Variants in CHEK2 observed in about 807,000 individuals in gnomAD.
CHEK2 encodes the protein serine/threonine-protein kinase Chk2.
In CHEK2, 71 loss-of-function variants were observed where a neutral mutation model predicts 69.1. The observed-to-expected ratio is 1.03, with a 90% CI of 0.85 to 1.25. CHEK2 has a LOEUF of 1.25. CHEK2 is among the 50% of genes most tolerant of loss of function. The probability of loss-of-function intolerance (pLI) is 0.00; values close to 1 mark genes in which losing one functional copy is unlikely to be tolerated. For synonymous variants in CHEK2, 189 were observed against 226.9 expected (o/e 0.83, Z 1.50); for missense variants, 664 against 649.6 (o/e 1.02, Z -0.24).
intron 8 of CHEK2, among the ~76,000 whole-genome samples, chr22:28,700,217 T>A (rs2052785887): frequency 6.6e-6 from 1 of 150,382 alleles, no homozygotes; most frequent in African/African-American, 2.4e-5. Context: ...GTTGCTTTTT[T>A]TTTTTTTTTT....
intron 2 of CHEK2, among the ~76,000 whole-genome samples, chr22:28,731,590 C>T (rs1569166677): frequency 6.6e-6 from 1 of 152,024 alleles, no homozygotes; most frequent in Non-Finnish European, 1.5e-5. Flanking sequence ...AGTGAGACTC[C>T]GTCTCAAATA....
chr22:28,717,655 A>C (rs1465012409), intron 5 of CHEK2, among the ~76,000 whole-genome samples: 5 of 152,034 alleles, frequency 3.3e-5, no homozygotes, highest in African/African-American at 1.2e-4. Context: ...CAGGCAGATC[A>C]CCTGAGGTCA....
chr22:28,716,649 G>T (rs2068318295), intron 5 of CHEK2, among the ~76,000 whole-genome samples: 1 of 152,226 alleles, frequency 6.6e-6, no homozygotes, highest in African/African-American at 2.4e-5. Flanking sequence ...CAGGAATATG[G>T]ATGATTATTT....
At chr22:28,690,565 T>C (rs1002291913) in intron 13 of CHEK2, among the ~76,000 whole-genome samples, 7 of 149,594 alleles carry the variant, frequency 4.7e-5, no homozygotes, top group African/African-American at 1.5e-4. Flanking sequence ...GAGGCGGAGG[T>C]TGCAGTAAGC....
intron 5 of CHEK2, among the ~76,000 whole-genome samples, chr22:28,716,301 A>C (rs1364324105): frequency 6.7e-6 from 1 of 149,714 alleles, no homozygotes; most frequent in Non-Finnish European, 1.5e-5. Flanking sequence ...GGTTCAAGCT[A>C]TTCTCCTGCC....
At position 28,737,312 on chromosome 22, in the gene CHEK2, G is replaced by C. The variant is rs1015225311; in HGVS notation, c.-6-2585C>G. ...AATTTTTTTATTTCCATATTAAATT[G>C]AGATCTTTCACCTTTTCAGTAAAAG... On this transcript the variant is annotated intron_variant, in intron 1 of 14. Coordinates refer to ENST00000404276, the MANE Select transcript of CHEK2 (RefSeq NM_007194.4). 6 of 478,626 alleles carry C rather than the reference G, an allele frequency of 1.3e-5. No homozygotes were observed. The Admixed American group carries it at 1.5e-4, about 12-fold the overall frequency. 29.6% of individuals were successfully genotyped at this position (478,626 alleles called of 1,614,324 possible). A position where few individuals can be genotyped will look rare whatever the true frequency, so the allele number is the denominator to read the frequency against.
At chr22:28,732,805 A>T (rs1249565582) in intron 2 of CHEK2, among the ~76,000 whole-genome samples, 1 of 152,106 alleles carries the variant, frequency 6.6e-6, no homozygotes, top group Admixed American at 6.6e-5. Context: ...ATTGCAATGT[A>T]AGCGAAAGGA....
chr22:28,740,215 C>G (rs889048353), intron 1 of CHEK2, among the ~76,000 whole-genome samples: 6 of 152,180 alleles, frequency 3.9e-5, no homozygotes, highest in Non-Finnish European at 7.3e-5. Context: ...AAACACTGTA[C>G]TAAACCAGAT....
chr22:28,699,854 A>G lies in CHEK2; in HGVS notation c.992T>C (p.Met331Thr), dbSNP rs1555915352. The change falls in exon 9 of 15, where the codon ATG becomes ACG. Residue 331 changes from methionine (M) to threonine (T), a missense_variant. Physicochemically the swap from Met to Thr is moderately conservative, Grantham distance 81. Coordinates refer to ENST00000404276, the MANE Select transcript of CHEK2 (RefSeq NM_007194.4). ...TTCTTTTACCTGCACAGCCAAGAGC[A>G]TCTGGTAAAAATAGAGCTTGCAGGT... ...EATCKLYFYQ[M>T]LLAVQYLHEN... 6.2e-7 allele frequency: 1 copy of G among 1,613,466 alleles called. No individual in the cohort carries two copies. The highest frequency in any genetic ancestry group is 8.5e-7 in the Non-Finnish European group (1 of 1,179,364).
intron 5 of CHEK2, among the ~76,000 whole-genome samples, chr22:28,716,716 A>G (rs1040478534): frequency 1.3e-5 from 2 of 152,166 alleles, no homozygotes; most frequent in African/African-American, 4.8e-5. Flanking sequence ...GACCTTTGTG[A>G]GACAGGAAGG....
intron 11 of CHEK2, 134 bp from the exon 12 acceptor site, chr22:28,695,376 G>C: frequency 2.9e-6 from 2 of 695,666 alleles, no homozygotes; most frequent in Non-Finnish European, 2.6e-6. Context: ...AGTGAGCTAG[G>C]CTGGGCACAA....
At position 28,687,775 on chromosome 22, in the gene CHEK2, G is replaced by A; in HGVS notation, c.*122C>T. ...CCATCAGGTTTTTAATTGTACATCA[G>A]TGACTGTGAAAAAGCAATTATTCCC... On this transcript the variant is annotated 3_prime_UTR_variant, in exon 15 of 15. Coordinates refer to ENST00000404276, the MANE Select transcript of CHEK2 (RefSeq NM_007194.4). 2.5e-6 allele frequency: 2 copies of A among 803,216 alleles called. No homozygotes were observed. The highest frequency in any genetic ancestry group is 2.1e-6 in the Non-Finnish European group (1 of 480,994). 49.8% of individuals were successfully genotyped at this position (803,216 alleles called of 1,614,324 possible).
intron 2 of CHEK2, among the ~76,000 whole-genome samples, chr22:28,729,540 C>CAAAAAAAAAAAAAAAAAA (rs58149342): frequency 6.0e-4 from 50 of 83,068 alleles, no homozygotes; most frequent in East Asian, 2.8e-3. Context: ...GACTCCATCT[C>CAAAAAAAAAAAAAAAAAA]AAAAAAAAAA....
At chr22:28,696,752 A>G (rs538666691) in intron 10 of CHEK2, 149 bp downstream of exon 10, 22 of 662,204 alleles carry the variant, frequency 3.3e-5, no homozygotes, top group Non-Finnish European at 5.2e-5. Context: ...TCTGGATAAG[A>G]GCAGTATCAC....
At chr22:28,692,193 T>A (rs1304880996) in intron 13 of CHEK2, among the ~76,000 whole-genome samples, 1 of 152,202 alleles carries the variant, frequency 6.6e-6, no homozygotes, top group African/African-American at 2.4e-5. Flanking sequence ...ACTGGCCAGC[T>A]CTATTTTTTG....
chr22:28,722,682 C>T (rs1442187910), intron 4 of CHEK2, among the ~76,000 whole-genome samples: 2 of 152,070 alleles, frequency 1.3e-5, no homozygotes, highest in Non-Finnish European at 2.9e-5. Context: ...TGAAGACTGA[C>T]TTGCATGAAA....
At chr22:28,699,511 C>T (rs1204013825) in intron 9 of CHEK2, among the ~76,000 whole-genome samples, 1 of 151,820 alleles carries the variant, frequency 6.6e-6, no homozygotes, top group African/African-American at 2.4e-5. Flanking sequence ...ACTACAGGCA[C>T]GCAACACTAC....
chr22:28,734,376 G>A (rs762260639), intron 2 of CHEK2, 27 bp downstream of exon 2: 38 of 1,606,032 alleles, frequency 2.4e-5, no homozygotes, highest in Middle Eastern at 1.7e-4. Flanking sequence ...TGAACAAAAC[G>A]TGATACTATA....
chr22:28,691,643 C>T (rs1009648299), intron 13 of CHEK2, among the ~76,000 whole-genome samples: 1 of 152,216 alleles, frequency 6.6e-6, no homozygotes, highest in Non-Finnish European at 1.5e-5. Context: ...CTGCAGTGAG[C>T]TATAATTGCA....
Sources: gnomAD v4.1 joint callset for allele counts (sites outside exome capture counted in the v4.1 genomes callset) on GRCh38, gnomAD v4.1.1 for gene constraint, MANE v1.5 for transcripts, NCBI Gene and HGNC (gene_info 2026-07-23, HGNC 2026-07-21) for gene names.